BCAR3: variants seen among roughly 807,000 people sequenced by gnomAD.
BCAR3 encodes the protein breast cancer anti-estrogen resistance protein 3.
A neutral mutation model predicts 80.1 loss-of-function variants in BCAR3; 37 were observed. The observed-to-expected ratio is 0.46, with a 90% CI of 0.36 to 0.61. The LOEUF (loss-of-function observed/expected upper bound fraction) is 0.61. Among genes scored for constraint, BCAR3 ranks in the 20% least tolerant of loss-of-function variants. The pLI, the probability that BCAR3 is intolerant of heterozygous loss-of-function variation, is 0.00. For synonymous variants in BCAR3, 389 were observed against 418.9 expected (o/e 0.93, Z 0.87); for missense variants, 978 against 1,068.2 (o/e 0.92, Z 1.18).
intron 2 of BCAR3, among the ~76,000 whole-genome samples, chr1:93,742,171 G>A (rs1245248120): frequency 2.0e-5 from 3 of 152,318 alleles, no homozygotes; most frequent in Admixed American, 2.0e-4. Context: ...GTATCAGAGT[G>A]AAGACGTCTC....
intron 2 of BCAR3, among the ~76,000 whole-genome samples, chr1:93,801,173 A>G (rs1169718105): frequency 6.6e-6 from 1 of 150,472 alleles, no homozygotes; most frequent in East Asian, 1.9e-4. Context: ...TTTTCTTGCA[A>G]TAACAACAAA....
chr1:93,563,294 G>T (rs1672778773), intron 11 of BCAR3, among the ~76,000 whole-genome samples: 1 of 152,164 alleles, frequency 6.6e-6, no homozygotes, highest in African/African-American at 2.4e-5. Flanking sequence ...GGGATAAATG[G>T]AATCATCCAC....
intron 2 of BCAR3, among the ~76,000 whole-genome samples, chr1:93,778,445 TTA>T (rs1260234035): frequency 6.6e-6 from 1 of 152,152 alleles, no homozygotes; most frequent in Non-Finnish European, 1.5e-5. Context: ...CTCTATCCTA[TTA>T]TATATATAGT....
intron 2 of BCAR3, among the ~76,000 whole-genome samples, chr1:93,717,603 C>G (rs1046218127): frequency 6.6e-6 from 1 of 151,530 alleles, no homozygotes; most frequent in Non-Finnish European, 1.5e-5. Context: ...TGGCATGTGC[C>G]TGTAATCTCA....
chr1:93,756,335 T>TCTA (rs1651748570), intron 2 of BCAR3, among the ~76,000 whole-genome samples: 2 of 152,078 alleles, frequency 1.3e-5, no homozygotes, highest in Non-Finnish European at 2.9e-5. Context: ...CCCAAGCCAT[T>TCTA]CTATCTCTGT....
intron 2 of BCAR3, among the ~76,000 whole-genome samples, chr1:93,835,019 T>C (rs982303100): frequency 2.2e-5 from 3 of 138,192 alleles, no homozygotes; most frequent in Non-Finnish European, 4.6e-5. Flanking sequence ...AGGCAGGCTA[T>C]GTTATAGTAT....
intron 2 of BCAR3, among the ~76,000 whole-genome samples, chr1:93,811,875 T>C (rs767653037): frequency 6.6e-6 from 1 of 152,236 alleles, no homozygotes; most frequent in African/African-American, 2.4e-5. Flanking sequence ...GTTGACATCA[T>C]GTTGTTAGCT....
intron 2 of BCAR3, among the ~76,000 whole-genome samples, chr1:93,818,193 A>C (rs1358431531): frequency 6.6e-6 from 1 of 152,210 alleles, no homozygotes; most frequent in Non-Finnish European, 1.5e-5. Context: ...CAGTTTTCTT[A>C]ACACGTACAT....
At chr1:93,645,304 C>T (rs1422008848) in intron 2 of BCAR3, among the ~76,000 whole-genome samples, 1 of 152,016 alleles carries the variant, frequency 6.6e-6, no homozygotes, top group African/African-American at 2.4e-5. Context: ...GAAAGAAATA[C>T]TCTAAAAATA....
intron 2 of BCAR3, among the ~76,000 whole-genome samples, chr1:93,831,183 C>A (rs1330155907): frequency 6.6e-6 from 1 of 152,176 alleles, no homozygotes; most frequent in Non-Finnish European, 1.5e-5. Flanking sequence ...CACCCACATT[C>A]TCTTGGTGAC....
At chr1:93,652,086 C>A (rs530330140) in intron 2 of BCAR3, among the ~76,000 whole-genome samples, 1 of 152,096 alleles carries the variant, frequency 6.6e-6, no homozygotes, top group Non-Finnish European at 1.5e-5. Flanking sequence ...CCTTGAGAGC[C>A]GAGAAAAGGA....
chr1:93,659,186 T>G (rs1013199179), intron 2 of BCAR3, among the ~76,000 whole-genome samples: 1 of 152,048 alleles, frequency 6.6e-6, no homozygotes, highest in Non-Finnish European at 1.5e-5. Context: ...AGCAACAGGT[T>G]TTTTGTTGTT....
intron 3 of BCAR3, among the ~76,000 whole-genome samples, chr1:93,692,483 C>T (rs1428198683): frequency 3.3e-5 from 5 of 152,216 alleles, no homozygotes; most frequent in African/African-American, 1.2e-4. Context: ...GGGGGAAACA[C>T]AAACTAAATA....
chr1:93,812,052 C>T (rs1015380884), intron 2 of BCAR3, among the ~76,000 whole-genome samples: 4 of 152,042 alleles, frequency 2.6e-5, no homozygotes, highest in South Asian at 4.2e-4. Flanking sequence ...TATGAAAGCT[C>T]GTGCTTAATT....
At chr1:93,647,982 CA>C (rs1676198438) in intron 2 of BCAR3, among the ~76,000 whole-genome samples, 8 of 152,092 alleles carry the variant, frequency 5.3e-5, no homozygotes. Flanking sequence ...CCATGTTGGC[CA>C]GGCTGGTCTT....
chr1:93,658,630 C>T (rs537248364), intron 2 of BCAR3, among the ~76,000 whole-genome samples: 163 of 152,180 alleles, frequency 1.1e-3, no homozygotes, highest in Admixed American at 2.5e-3. Context: ...CCAGCCTGGG[C>T]GACAGAGTGA....
At chr1:93,777,850 T>C (rs1652631099) in intron 2 of BCAR3, among the ~76,000 whole-genome samples, 1 of 152,244 alleles carries the variant, frequency 6.6e-6, no homozygotes, top group Non-Finnish European at 1.5e-5. Flanking sequence ...TGCTTTCCTG[T>C]TTTCAGAATA....
At chr1:93,774,574 C>A (rs1281664215) in intron 2 of BCAR3, among the ~76,000 whole-genome samples, 2 of 152,062 alleles carry the variant, frequency 1.3e-5, no homozygotes, top group African/African-American at 4.8e-5. Context: ...GGAGGCCCCA[C>A]ATAGCCTGTA....
At chr1:93,639,536 G>A (rs1244473111) in intron 3 of BCAR3, among the ~76,000 whole-genome samples, 4 of 145,592 alleles carry the variant, frequency 2.7e-5, no homozygotes, top group African/African-American at 5.1e-5. Context: ...CAGTGCAATC[G>A]TGCGACTTCA....
Sources: gnomAD v4.1 joint callset for allele counts (sites outside exome capture counted in the v4.1 genomes callset) on GRCh38, gnomAD v4.1.1 for gene constraint, MANE v1.5 for transcripts, NCBI Gene and HGNC (gene_info 2026-07-23, HGNC 2026-07-21) for gene names.